Variants in LRMDA observed in about 807,000 individuals in gnomAD.
LRMDA encodes the protein leucine rich melanocyte differentiation associated.
In LRMDA, 18 loss-of-function variants were observed where a neutral mutation model predicts 29.8. That is an observed-to-expected ratio of 0.60 (90% CI 0.42 to 0.90). The LOEUF is 0.90. LRMDA is among the 40% of genes least tolerant of loss of function. LRMDA has a pLI of 0.00. For missense variants in LRMDA, 273 were observed against 273.9 expected (o/e 1.00, Z 0.02); for synonymous variants, 125 against 109.4 (o/e 1.14, Z -0.89).
chr10:76,486,264 G>A (rs1322114982), intron 6 of LRMDA, among the ~76,000 whole-genome samples: 1 of 151,834 alleles, frequency 6.6e-6, no homozygotes, highest in East Asian at 1.9e-4. Context: ...TTCTGTAGGT[G>A]GTAATTCCAA....
chr10:76,374,116 A>G (rs1002009167), intron 6 of LRMDA, among the ~76,000 whole-genome samples: 2 of 152,326 alleles, frequency 1.3e-5, no homozygotes, highest in Non-Finnish European at 2.9e-5. Context: ...TTTGCAGTTC[A>G]CACTAACGGA....
At chr10:75,714,021 C>G (rs1295933092) in intron 2 of LRMDA, among the ~76,000 whole-genome samples, 2 of 152,126 alleles carry the variant, frequency 1.3e-5, no homozygotes, top group Non-Finnish European at 2.9e-5. Flanking sequence ...TTTCTCTCCT[C>G]CATAAAGTCT....
rs186679909 is a variant in LRMDA, at chr10:76,225,634, T to C, written c.517-98767T>C. 9.0e-3 allele frequency among the ~76,000 whole-genome samples: 1,375 copies of C among 151,998 alleles called. 22 individuals are homozygous for C. Among genetic ancestry groups the C allele is most frequent in the African/African-American group, 0.031 (1,306 of 41,468 alleles). ...CTCTCCATGTGATCTGTACATACAT[T>C]GGCTCCTGTATTAGTCCATGTTCAC... On this transcript the variant is annotated intron_variant, in intron 5 of 6. Transcript: ENST00000611255.
chr10:76,148,021 C>G (rs1850361765), intron 5 of LRMDA, among the ~76,000 whole-genome samples: 1 of 152,186 alleles, frequency 6.6e-6, no homozygotes. Context: ...ACTGCAAATG[C>G]TGCTGCCTGG....
chr10:75,659,582 TAAA>T (rs1841723813), intron 2 of LRMDA, among the ~76,000 whole-genome samples: 1 of 152,162 alleles, frequency 6.6e-6, no homozygotes, highest in East Asian at 1.9e-4. Flanking sequence ...ATGTGTAATC[TAAA>T]AGAGTCAAAC....
At chr10:75,898,824 T>A (rs1168983026) in intron 2 of LRMDA, among the ~76,000 whole-genome samples, 1 of 152,238 alleles carries the variant, frequency 6.6e-6, no homozygotes, top group South Asian at 2.1e-4. Flanking sequence ...CGGCTATTCA[T>A]GTTTTAATCT....
chr10:75,580,946 G>T (rs1840583263), intron 2 of LRMDA, among the ~76,000 whole-genome samples: 1 of 152,084 alleles, frequency 6.6e-6, no homozygotes, highest in Non-Finnish European at 1.5e-5. Flanking sequence ...TTAAACATAA[G>T]ACCTAAAACC....
At chr10:76,080,484 G>C (rs1171819608) in intron 5 of LRMDA, among the ~76,000 whole-genome samples, 1 of 152,144 alleles carries the variant, frequency 6.6e-6, no homozygotes, top group Non-Finnish European at 1.5e-5. Context: ...CAATGCACCA[G>C]CACTCAGTTC....
chr10:75,751,845 G>A (rs1342181999), intron 2 of LRMDA, among the ~76,000 whole-genome samples: 1 of 152,180 alleles, frequency 6.6e-6, no homozygotes, highest in Non-Finnish European at 1.5e-5. Flanking sequence ...CTTCAAGATT[G>A]TGTGCTCAAA....
At chr10:75,748,521 A>T (rs1842916113) in intron 2 of LRMDA, among the ~76,000 whole-genome samples, 1 of 152,122 alleles carries the variant, frequency 6.6e-6, no homozygotes, top group South Asian at 2.1e-4. Context: ...AATTATAGAA[A>T]TTTCTACGTA....
intron 2 of LRMDA, among the ~76,000 whole-genome samples, chr10:75,835,686 T>C (rs1844422072): frequency 3.9e-5 from 6 of 152,236 alleles, no homozygotes; most frequent in Admixed American, 3.9e-4. Flanking sequence ...CAAGCCATTT[T>C]GCTTTTTTGG....
intron 5 of LRMDA, among the ~76,000 whole-genome samples, chr10:76,168,594 G>C (rs1850781386): frequency 6.6e-6 from 1 of 152,010 alleles, no homozygotes; most frequent in Non-Finnish European, 1.5e-5. Flanking sequence ...AGTTTAGGTA[G>C]TTCAAGGGTA....
chr10:76,236,523 T>G (rs962398083), intron 5 of LRMDA, among the ~76,000 whole-genome samples: 1 of 152,198 alleles, frequency 6.6e-6, no homozygotes, highest in African/African-American at 2.4e-5. Context: ...GTCCCATGAC[T>G]TACTCTGCAC....
intron 2 of LRMDA, among the ~76,000 whole-genome samples, chr10:75,886,222 A>G (rs1176456003): frequency 1.3e-5 from 2 of 152,226 alleles, no homozygotes; most frequent in Admixed American, 6.5e-5. Context: ...CATATACATT[A>G]GGAAACTTTT....
At chr10:75,999,607 G>A (rs1235217112) in intron 2 of LRMDA, among the ~76,000 whole-genome samples, 2 of 152,206 alleles carry the variant, frequency 1.3e-5, no homozygotes, top group Non-Finnish European at 2.9e-5. Flanking sequence ...TCTGTAGCTT[G>A]ATTCCAGCAA....
rs909138997 is a variant in LRMDA, at chr10:75,735,020, A to G, written c.131+296526A>G. On this transcript the variant is annotated intron_variant, in intron 2 of 6. Coordinates refer to ENST00000611255, the MANE Select transcript of LRMDA (RefSeq NM_001305581.2). ...CGCTCTAATTTACTTATTCATGATG[A>G]TGATTGTAGATTGTCTGGCTACCTC... is the stretch of plus-strand genomic sequence containing the variant. Among the ~76,000 whole-genome samples the G allele has an allele frequency of 2.6e-5, 4 of 152,090 alleles. No homozygotes were observed. In the East Asian group the frequency reaches 7.7e-4, roughly 29 times the overall value.
intron 6 of LRMDA, among the ~76,000 whole-genome samples, chr10:76,547,212 T>C (rs923227624): frequency 2.6e-5 from 4 of 152,208 alleles, no homozygotes; most frequent in Non-Finnish European, 5.9e-5. Context: ...AGGAAATCTT[T>C]AGTATTTTGA....
chr10:75,802,745 T>C (rs1423477064), intron 2 of LRMDA, among the ~76,000 whole-genome samples: 2 of 152,100 alleles, frequency 1.3e-5, no homozygotes, highest in South Asian at 4.2e-4. Flanking sequence ...GATTTACTGC[T>C]TTTTTGATTA....
At chr10:76,248,804 A>G (rs1345107616) in intron 5 of LRMDA, among the ~76,000 whole-genome samples, 4 of 152,208 alleles carry the variant, frequency 2.6e-5, no homozygotes, top group Admixed American at 1.3e-4. Context: ...TTGGCTTGAG[A>G]ACAGAGTGAG....
Sources: gnomAD v4.1 joint callset for allele counts (sites outside exome capture counted in the v4.1 genomes callset) on GRCh38, gnomAD v4.1.1 for gene constraint, MANE v1.5 for transcripts, NCBI Gene and HGNC (gene_info 2026-07-23, HGNC 2026-07-21) for gene names.